UGGT1: variants seen among roughly 807,000 people sequenced by gnomAD.
UGGT1 encodes UDP-glucose glycoprotein glucosyltransferase 1, also known as UDP-glucose:glycoprotein glucosyltransferase 1.
A neutral mutation model predicts 203.9 loss-of-function variants in UGGT1; 107 were observed. The ratio of observed to expected loss-of-function variants is 0.52; its 90% CI spans 0.45 to 0.62. The LOEUF is 0.62. Among genes scored for constraint, UGGT1 ranks in the 20% least tolerant of loss-of-function variants. The pLI is 0.00. For synonymous variants in UGGT1, 628 were observed against 653.5 expected, an observed-to-expected ratio of 0.96 and a Z score of 0.59; for missense variants, 1,673 against 1,867.2, an observed-to-expected ratio of 0.90 and a Z score of 1.92.
intron 38 of UGGT1, among the ~76,000 whole-genome samples, chr2:128,185,983 A>G (rs926409464): frequency 6.6e-6 from 1 of 152,238 alleles, no homozygotes; most frequent in East Asian, 1.9e-4. Flanking sequence ...GCAAGTCTCA[A>G]TAGACAAGGT....
At chr2:128,118,919 C>G (rs994351824) in intron 8 of UGGT1, among the ~76,000 whole-genome samples, 5 of 152,108 alleles carry the variant, frequency 3.3e-5, no homozygotes, top group African/African-American at 1.2e-4. Context: ...ATCTGCCCAC[C>G]TTGGCCTCCC....
intron 27 of UGGT1, among the ~76,000 whole-genome samples, chr2:128,171,001 C>T (rs1406819965): frequency 6.6e-6 from 1 of 152,198 alleles, no homozygotes. Flanking sequence ...CTGCAGCAGC[C>T]TACTTCCCAT....
chr2:128,142,132 C>A (rs1484703577), intron 16 of UGGT1, among the ~76,000 whole-genome samples: 1 of 151,788 alleles, frequency 6.6e-6, no homozygotes, highest in African/African-American at 2.4e-5. Flanking sequence ...AGTAGGGTTT[C>A]AGCATGTTGG....
intron 2 of UGGT1, among the ~76,000 whole-genome samples, chr2:128,098,125 A>T (rs2105333906): frequency 6.6e-6 from 1 of 152,290 alleles, no homozygotes; most frequent in South Asian, 2.1e-4. Context: ...GGCCTCCCAA[A>T]GTGCTGGGAT....
rs187788327 is a variant in UGGT1 at position 128,172,263 on chromosome 2, T to C, written c.3105-310T>C. On this transcript the variant is annotated intron_variant, in intron 28 of 40. Transcript: ENST00000259253. ...AAGTGATTGGATTTTGGCTTGCAGG[T>C]GGACAGTATAGTGGCTGCTGAGTAT... Among the ~76,000 whole-genome samples, 3 of 152,248 alleles carry C rather than the reference T, an allele frequency of 2.0e-5. No homozygotes were observed. The East Asian group carries it at 5.8e-4, about 29-fold the overall frequency.
At chr2:128,121,360 C>A (rs900453278) in intron 10 of UGGT1, 62 bp downstream of exon 10, 9 of 1,107,828 alleles carry the variant, frequency 8.1e-6, no homozygotes, top group Non-Finnish European at 1.0e-5. Flanking sequence ...GTTCACTTGC[C>A]AAATGAGGTA....
chr2:128,182,275 G>A lies in UGGT1; in HGVS notation c.4229G>A (p.Arg1410Gln), dbSNP rs1691731066. 8 of 1,612,990 alleles carry A rather than the reference G, an allele frequency of 5.0e-6. No homozygotes were observed. The Admixed American group carries it at 5.0e-5, about 10-fold the overall frequency. ...TACTGGGCCAGTCATTTAGCCGGGC[G>A]AAAGTATCATATCAGGTACTGAAAA... is the stretch of plus-strand genomic sequence containing the variant. ...SGYWASHLAG[R>Q]KYHISALYVV... The change falls in exon 37 of 41, where the codon CGA (arginine) becomes CAA (glutamine). Residue 1410 changes from arginine (R) to glutamine (Q), a missense_variant. Arg to Gln is a conservative substitution (Grantham distance 43). This residue lies in a region of UGGT1 where 513 missense variants were observed against 684.1 expected (regional missense o/e 0.75). Transcript: ENST00000259253.
At chr2:128,160,100 T>C (rs911224319) in intron 23 of UGGT1, among the ~76,000 whole-genome samples, 6 of 152,200 alleles carry the variant, frequency 3.9e-5, no homozygotes, top group Non-Finnish European at 7.3e-5. Context: ...ACTTATTTTT[T>C]TGACACAGTT....
At chr2:128,174,382 T>A (rs1237905697) in intron 30 of UGGT1, among the ~76,000 whole-genome samples, 1 of 145,868 alleles carries the variant, frequency 6.9e-6, no homozygotes. Context: ...CACTGCAACC[T>A]CCGCCTCCCA....
In UGGT1 at chr2:128,091,259, C is replaced by G; in HGVS notation, c.-99C>G. ...GTCGAGCCGCGGGAAAGGCGCGTGT[C>G]GGCCTCTCACTGGCGCAGCCTGCAC... is the stretch of plus-strand genomic sequence containing the variant. On this transcript the variant is annotated 5_prime_UTR_variant, in exon 1 of 41. Transcript: ENST00000259253. 7.9e-7 allele frequency: 1 copy of G among 1,272,884 alleles called. No homozygotes were observed. The highest frequency in any genetic ancestry group is 1.6e-5 in the African/African-American group (1 of 63,958). 78.8% of individuals were successfully genotyped at this position (1,272,884 alleles called of 1,614,324 possible). A position where few individuals can be genotyped will look rare whatever the true frequency, so the allele number is the denominator to read the frequency against.
At chr2:128,095,376 C>G (rs1237866826) in intron 1 of UGGT1, among the ~76,000 whole-genome samples, 6 of 149,690 alleles carry the variant, frequency 4.0e-5, no homozygotes, top group Non-Finnish European at 8.9e-5. Context: ...TCTTCCTCTT[C>G]CCCTTCCCCT....
rs768284682 is a variant in UGGT1, at chr2:128,174,854, T to G, written c.3535T>G (p.Tyr1179Asp). The G allele has an allele frequency of 6.2e-7, 1 of 1,612,278 alleles. No individual in the cohort carries two copies. Among genetic ancestry groups the G allele is most frequent in the South Asian group, 1.1e-5 (1 of 90,670 alleles). The change falls in exon 31 of 41, where the codon TAC (tyrosine) becomes GAC (aspartate). Residue 1179 changes from tyrosine (Y) to aspartate (D), a missense_variant. Coordinates refer to ENST00000259253, the MANE Select transcript of UGGT1 (RefSeq NM_020120.4). ...KGRSEDIYRI[Y>D]SHDGTDSPPD... ...ACGCTCTGAAGATATTTATAGAATT[T>G]ACAGGTAGGAGTAAGTGATGCAGTT...
At chr2:128,136,042 G>A (rs532974804) in intron 15 of UGGT1, among the ~76,000 whole-genome samples, 3 of 152,176 alleles carry the variant, frequency 2.0e-5, no homozygotes, top group Non-Finnish European at 4.4e-5. Flanking sequence ...CTTGAATTGA[G>A]GGACGAGAAG....
At chr2:128,150,684 T>TTTAC (rs888045277) in intron 18 of UGGT1, among the ~76,000 whole-genome samples, 1 of 98,748 alleles carries the variant, frequency 1.0e-5, no homozygotes, top group African/African-American at 3.7e-5. Flanking sequence ...TTTTTTTTTT[T>TTTAC]ACAAATGTTT....
chr2:128,117,599 A>C (rs1199532782), intron 8 of UGGT1, among the ~76,000 whole-genome samples: 1 of 141,204 alleles, frequency 7.1e-6, no homozygotes, highest in Non-Finnish European at 1.5e-5. Context: ...GCTGGAGTGC[A>C]GTGCCACGAT....
intron 15 of UGGT1, among the ~76,000 whole-genome samples, 198 bp from the exon 16 acceptor site, chr2:128,138,519 A>AT (rs1689252113): frequency 6.6e-6 from 1 of 152,104 alleles, no homozygotes; most frequent in Non-Finnish European, 1.5e-5. Context: ...CTGTCTAAAA[A>AT]AAAAAAAAAC....
chr2:128,098,809 A>G (rs1687234188), intron 2 of UGGT1, among the ~76,000 whole-genome samples: 1 of 140,106 alleles, frequency 7.1e-6, no homozygotes, highest in African/African-American at 2.6e-5. Context: ...ATTTTTCATA[A>G]AACAATAGTT....
At chr2:128,145,765 GC>G in intron 17 of UGGT1, 37 bp from the exon 18 acceptor site, 3 of 1,494,168 alleles carry the variant, frequency 2.0e-6, no homozygotes, top group Non-Finnish European at 2.7e-6. Context: ...CTCACAAAAG[GC>G]AAAAATATAC....
At chr2:128,124,181 C>T (rs1393023183) in intron 11 of UGGT1, among the ~76,000 whole-genome samples, 3 of 152,172 alleles carry the variant, frequency 2.0e-5, no homozygotes, top group Non-Finnish European at 4.4e-5. Context: ...CTCCTGACCT[C>T]ATGATCCACC....
Sources: allele counts gnomAD v4.1 joint callset (sites outside exome capture counted in the v4.1 genomes callset), GRCh38; gene constraint gnomAD v4.1.1; regional missense constraint gnomAD v4.1.1; transcripts MANE v1.5; gene names NCBI Gene and HGNC (gene_info 2026-07-23, HGNC 2026-07-21).